The following FOXP2 variants were observed in gnomAD, a reference collection of about 807,000 sequenced individuals.
FOXP2 encodes the protein forkhead box protein P2.
In FOXP2, 12 loss-of-function variants were observed where a neutral mutation model predicts 115.8. That is an observed-to-expected ratio of 0.10 (90% CI 0.07 to 0.17). The LOEUF (loss-of-function observed/expected upper bound fraction) is 0.17. FOXP2 is among the 10% of genes least tolerant of loss of function. The pLI is 1.00. For missense variants in FOXP2, 629 were observed against 843.5 expected, an observed-to-expected ratio of 0.75 and a Z score of 3.15; for synonymous variants, 328 against 297.7, an observed-to-expected ratio of 1.10 and a Z score of -1.05.
intron 2 of FOXP2, among the ~76,000 whole-genome samples, chr7:114,526,810 T>C (rs1258280494): frequency 6.6e-6 from 1 of 152,138 alleles, no homozygotes; most frequent in East Asian, 1.9e-4. Context: ...AATTTATGTA[T>C]CACAAAACCT....
chr7:114,529,330 C>A (rs1799027535), intron 2 of FOXP2, among the ~76,000 whole-genome samples: 1 of 151,768 alleles, frequency 6.6e-6, no homozygotes, highest in Non-Finnish European at 1.5e-5. Context: ...GGACTTGAAC[C>A]TTGAAGAATT....
intron 1 of FOXP2, among the ~76,000 whole-genome samples, chr7:114,190,118 C>T (rs1040741996): frequency 2.0e-5 from 3 of 152,192 alleles, no homozygotes; most frequent in African/African-American, 7.2e-5. Context: ...CTCTTTCTAT[C>T]TTTCTCACTG....
At chr7:114,097,884 T>C (rs1261767288) in intron 1 of FOXP2, among the ~76,000 whole-genome samples, 1 of 152,222 alleles carries the variant, frequency 6.6e-6, no homozygotes, top group African/African-American at 2.4e-5. Context: ...TGTGTGTTGA[T>C]CAATTTCTGT....
chr7:114,362,886 T>C (rs1791787210), intron 2 of FOXP2, among the ~76,000 whole-genome samples: 1 of 152,062 alleles, frequency 6.6e-6, no homozygotes, highest in Non-Finnish European at 1.5e-5. Flanking sequence ...GCTGTTTGGA[T>C]GAGAATACTC....
At chr7:114,679,874 A>T (rs1399504916) in intron 16 of FOXP2, among the ~76,000 whole-genome samples, 1 of 152,162 alleles carries the variant, frequency 6.6e-6, no homozygotes, top group African/African-American at 2.4e-5. Flanking sequence ...GCCTTGTGTT[A>T]AAGTTACTTG....
intron 2 of FOXP2, among the ~76,000 whole-genome samples, chr7:114,532,366 C>T: frequency 6.6e-6 from 1 of 151,904 alleles, no homozygotes. Context: ...AATATGCTCT[C>T]TTTACTAGTG....
At chr7:114,419,941 A>G (rs1793543441) in intron 1 of FOXP2, 1 of 151,926 alleles carries the variant, frequency 6.6e-6, no homozygotes, top group South Asian at 2.1e-4. Flanking sequence ...TCCAATGGGA[A>G]GGCAAGAGGT....
At chr7:114,446,717 T>G (rs1794848643) in intron 2 of FOXP2, among the ~76,000 whole-genome samples, 1 of 151,690 alleles carries the variant, frequency 6.6e-6, no homozygotes, top group South Asian at 2.1e-4. Context: ...TCCCCCGCAA[T>G]GTTTTTGGTT....
chr7:114,506,487 T>C (rs1171075134), intron 2 of FOXP2, among the ~76,000 whole-genome samples: 1 of 151,648 alleles, frequency 6.6e-6, no homozygotes, highest in African/African-American at 2.4e-5. Flanking sequence ...TACAGGAAAA[T>C]TTAATCATGG....
intron 1 of FOXP2, among the ~76,000 whole-genome samples, chr7:114,106,475 C>T (rs1312795422): frequency 2.0e-5 from 3 of 151,642 alleles, no homozygotes; most frequent in Non-Finnish European, 2.9e-5. Context: ...AGAGCATCCT[C>T]GTATCTGACC....
At chr7:114,623,538 T>C (rs1804365767) in intron 3 of FOXP2, among the ~76,000 whole-genome samples, 1 of 151,918 alleles carries the variant, frequency 6.6e-6, no homozygotes, top group Non-Finnish European at 1.5e-5. Context: ...GTTGCATTTT[T>C]GGCCTTTAAG....
intron 2 of FOXP2, among the ~76,000 whole-genome samples, chr7:114,309,326 T>C (rs1399112501): frequency 1.3e-5 from 2 of 152,214 alleles, no homozygotes; most frequent in East Asian, 3.9e-4. Flanking sequence ...TTCTCAGTTT[T>C]TGACAATCAC....
At chr7:114,554,261 A>T (rs941805808) in intron 3 of FOXP2, among the ~76,000 whole-genome samples, 1 of 152,122 alleles carries the variant, frequency 6.6e-6, no homozygotes, top group Admixed American at 6.5e-5. Context: ...GTGTGATATG[A>T]TTTGTCTTGC....
At chr7:114,149,807 T>G (rs1792483183) in intron 1 of FOXP2, among the ~76,000 whole-genome samples, 1 of 152,064 alleles carries the variant, frequency 6.6e-6, no homozygotes, top group African/African-American at 2.4e-5. Flanking sequence ...TTTAGTACGC[T>G]CATGTTGAGT....
At position 114,368,407 on chromosome 7, in the gene FOXP2, A is replaced by G. The variant is rs559406328; in HGVS notation, c.-10-58095A>G. 1.1e-4 allele frequency among the ~76,000 whole-genome samples: 17 copies of G among 152,310 alleles called. No individual in the cohort carries two copies. The East Asian group carries it at 3.3e-3, about 29-fold the overall frequency. ...TGAAATAGAGTGCCATTTTGAAACT[A>G]TAGATCATTTTAGGTAGTTTATAAT... On this transcript the variant is annotated intron_variant, in intron 2 of 17. Coordinates refer to the FOXP2 transcript ENST00000634411.
intron 3 of FOXP2, among the ~76,000 whole-genome samples, chr7:114,619,527 ACATAT>A (rs1424269397): frequency 2.0e-5 from 3 of 152,096 alleles, no homozygotes; most frequent in African/African-American, 7.2e-5. Flanking sequence ...GTAATTTATA[ACATAT>A]ATGTTTCATT....
At chr7:114,414,659 A>G (rs1793255921), upstream of FOXP2, 1 of 168,494 alleles carries the variant, frequency 5.9e-6, no homozygotes, top group Admixed American at 5.8e-5. Flanking sequence ...TTTCTGGCTT[A>G]TCTGATGTTG....
intron 1 of FOXP2, among the ~76,000 whole-genome samples, chr7:114,216,552 C>T (rs1183570164): frequency 6.6e-6 from 1 of 152,042 alleles, no homozygotes; most frequent in East Asian, 1.9e-4. Context: ...TATATGCCTT[C>T]ACTGCAATTT....
chr7:114,454,947 C>T (rs1795238128), intron 2 of FOXP2, among the ~76,000 whole-genome samples: 1 of 143,160 alleles, frequency 7.0e-6, no homozygotes, highest in Admixed American at 7.0e-5. Context: ...TGCAGCGCAC[C>T]AGCATGGCAC....
Sources: allele counts gnomAD v4.1 joint callset (sites outside exome capture counted in the v4.1 genomes callset), GRCh38; gene constraint gnomAD v4.1.1; transcripts MANE v1.5; gene names NCBI Gene and HGNC (gene_info 2026-07-23, HGNC 2026-07-21).